The following TRHDE variants were observed in gnomAD, a reference collection of about 807,000 sequenced individuals.
TRHDE encodes thyrotropin-releasing hormone-degrading ectoenzyme.
Under a neutral mutation model 125.7 loss-of-function variants are expected in TRHDE, and 72 were observed. The ratio of observed to expected loss-of-function variants is 0.57; its 90% CI spans 0.47 to 0.70. The LOEUF (loss-of-function observed/expected upper bound fraction) is 0.70, where lower values mean the gene tolerates loss of function less well. TRHDE is among the 30% of genes least tolerant of loss of function. The pLI, the probability that TRHDE is intolerant of heterozygous loss-of-function variation, is 0.00. For missense variants in TRHDE, 1,110 were observed against 1,327.1 expected, an observed-to-expected ratio of 0.84 and a Z score of 2.54; for synonymous variants, 509 against 509.1, an observed-to-expected ratio of 1.00 and a Z score of 0.00.
intron 2 of TRHDE, among the ~76,000 whole-genome samples, chr12:72,152,381 C>T (rs1301715052): frequency 1.3e-5 from 2 of 151,728 alleles, no homozygotes; most frequent in East Asian, 1.9e-4. Context: ...AATTGAATAC[C>T]CTTTATTTCC....
At chr12:72,532,921 A>T (rs1868634313) in intron 6 of TRHDE, among the ~76,000 whole-genome samples, 1 of 151,694 alleles carries the variant, frequency 6.6e-6, no homozygotes, top group Admixed American at 6.6e-5. Flanking sequence ...ATTGGACTAT[A>T]TTTTACATTG....
intron 2 of TRHDE, among the ~76,000 whole-genome samples, chr12:72,362,455 G>A (rs1344481478): frequency 2.0e-5 from 3 of 151,892 alleles, no homozygotes; most frequent in East Asian, 1.9e-4. Context: ...TGTAGATTCT[G>A]GATACTAGCC....
chr12:72,224,122 CTATCTATCTATCTATCTATT>C (rs1565666641), intron 2 of TRHDE, among the ~76,000 whole-genome samples: 4,671 of 74,094 alleles, frequency 0.063, 110 homozygotes, highest in Middle Eastern at 0.12. Context: ...ATCTATCTAT[CTATCTATCTATCTATCTATT>C]TATCTATGTA....
At chr12:72,280,496 G>A (rs542061896) in intron 1 of TRHDE, among the ~76,000 whole-genome samples, 4 of 152,218 alleles carry the variant, frequency 2.6e-5, no homozygotes, top group Admixed American at 2.0e-4. Flanking sequence ...CCTAAGCAGA[G>A]TTCAAAAGAC....
At chr12:72,265,672 A>G (rs776911042) in intron 2 of TRHDE, among the ~76,000 whole-genome samples, 5 of 151,946 alleles carry the variant, frequency 3.3e-5, no homozygotes, top group African/African-American at 4.8e-5. Context: ...GTAGGAATTC[A>G]GTGAGGTTTT....
intron 12 of TRHDE, among the ~76,000 whole-genome samples, chr12:72,604,453 T>C (rs1872345825): frequency 6.6e-6 from 1 of 152,006 alleles, no homozygotes; most frequent in Non-Finnish European, 1.5e-5. Context: ...AACATGTGAT[T>C]CTTGAGAAAA....
chr12:72,275,494 C>G (rs180826059), intron 1 of TRHDE, among the ~76,000 whole-genome samples: 5 of 152,220 alleles, frequency 3.3e-5, no homozygotes, highest in Non-Finnish European at 5.9e-5. Flanking sequence ...ATTTTTTAAA[C>G]CCAGAATTAT....
chr12:72,640,321 C>G (rs972735182), intron 15 of TRHDE, among the ~76,000 whole-genome samples: 1 of 152,240 alleles, frequency 6.6e-6, no homozygotes, highest in Non-Finnish European at 1.5e-5. Flanking sequence ...TCCCTGACCC[C>G]CTGCGCTTCC....
chr12:72,459,321 T>A (rs927802348), intron 3 of TRHDE, among the ~76,000 whole-genome samples: 1 of 152,178 alleles, frequency 6.6e-6, no homozygotes, highest in Admixed American at 6.6e-5. Flanking sequence ...TAATTCCCCT[T>A]TGCCAAGTAA....
chr12:72,126,692 CA>C (rs1306948850), intron 2 of TRHDE, among the ~76,000 whole-genome samples: 2 of 151,976 alleles, frequency 1.3e-5, no homozygotes, highest in Non-Finnish European at 2.9e-5. Context: ...TCACCATATA[CA>C]AAAGTTAAGA....
intron 2 of TRHDE, among the ~76,000 whole-genome samples, chr12:72,330,359 A>G (rs1341603755): frequency 6.6e-6 from 1 of 151,904 alleles, no homozygotes; most frequent in African/African-American, 2.4e-5. Flanking sequence ...ACCATAGCTC[A>G]AAAAAGCCAA....
intron 2 of TRHDE, among the ~76,000 whole-genome samples, chr12:72,238,281 TATATATATATATATATATA>T (rs1878378547): frequency 6.7e-5 from 1 of 14,816 alleles, no homozygotes; most frequent in African/African-American, 3.2e-4. Context: ...CCTTAATATA[TATATATATATATATATATA>T]TATATATATA....
intron 12 of TRHDE, among the ~76,000 whole-genome samples, chr12:72,581,453 TATC>T (rs1871221313): frequency 6.6e-6 from 1 of 152,158 alleles, no homozygotes; most frequent in African/African-American, 2.4e-5. Flanking sequence ...TGATCATCAT[TATC>T]ATCATCATCA....
intron 2 of TRHDE, among the ~76,000 whole-genome samples, chr12:72,171,137 T>C (rs1434699653): frequency 1.3e-5 from 2 of 152,180 alleles, no homozygotes; most frequent in Non-Finnish European, 2.9e-5. Context: ...ACTTGTGCTC[T>C]TCTCTCAGTT....
intron 2 of TRHDE, among the ~76,000 whole-genome samples, chr12:72,305,606 C>A (rs984878903): frequency 6.6e-6 from 1 of 152,134 alleles, no homozygotes; most frequent in Non-Finnish European, 1.5e-5. Flanking sequence ...TAGGATGTAC[C>A]TACAACTGGA....
At chr12:72,309,751 G>T (rs1443608790) in intron 2 of TRHDE, 3 of 151,814 alleles carry the variant, frequency 2.0e-5, no homozygotes, top group Non-Finnish European at 2.9e-5. Flanking sequence ...AGAAGATGGA[G>T]TTTTTTGATA....
intron 6 of TRHDE, among the ~76,000 whole-genome samples, chr12:72,506,020 CGG>C (rs1565769796): frequency 6.6e-6 from 1 of 152,142 alleles, no homozygotes; most frequent in Non-Finnish European, 1.5e-5. Flanking sequence ...GCAACCCAGC[CGG>C]GCATGATGGC....
intron 2 of TRHDE, among the ~76,000 whole-genome samples, chr12:72,190,969 G>C (rs1186032929): frequency 1.3e-5 from 2 of 152,146 alleles, no homozygotes; most frequent in East Asian, 1.9e-4. Flanking sequence ...ACTCATTCTG[G>C]ATTTGATTTT....
At chr12:72,272,077 G>C (rs755206096), upstream of TRHDE, 59 of 457,592 alleles carry the variant, frequency 1.3e-4, no homozygotes, top group Non-Finnish European at 2.3e-4. This position sits in a 1 kb window ranked among gnomAD's most constrained non-coding sequence, Gnocchi z 6.7. Flanking sequence ...TCCAGCTGCA[G>C]GGTGTATGGC....
Sources: gnomAD v4.1 joint callset for allele counts (sites outside exome capture counted in the v4.1 genomes callset) on GRCh38, gnomAD v4.1.1 for gene constraint, Gnocchi (gnomAD v3.1) non-coding constraint, MANE v1.5 for transcripts, NCBI Gene and HGNC (gene_info 2026-07-23, HGNC 2026-07-21) for gene names.